BRIP1: variants seen among roughly 807,000 people sequenced by gnomAD.
The protein encoded by BRIP1 is BRCA1 interacting DNA helicase 1.
BRIP1 carries 88 observed loss-of-function variants against 119.7 expected under a neutral mutation model. The observed-to-expected ratio is 0.74, with a 90% CI of 0.62 to 0.88. The LOEUF (loss-of-function observed/expected upper bound fraction) is 0.88, where lower values mean the gene tolerates loss of function less well. BRIP1 is among the 40% of genes least tolerant of loss of function. BRIP1 has a pLI of 0.00. For missense variants in BRIP1, 1,259 were observed against 1,455.4 expected, an observed-to-expected ratio of 0.87 and a Z score of 2.20; for synonymous variants, 443 against 496.5, an observed-to-expected ratio of 0.89 and a Z score of 1.43.
Position 61,693,301 on chromosome 17 carries a change from G to A in BRIP1, c.2575+129C>T. 1 of 848,944 alleles carries A rather than the reference G, an allele frequency of 1.2e-6. No homozygotes were observed. The highest frequency in any genetic ancestry group is 1.9e-6 in the Non-Finnish European group (1 of 516,414). 52.6% of individuals were successfully genotyped at this position (848,944 alleles called of 1,614,324 possible). On this transcript the variant is annotated intron_variant, in intron 18 of 19. Coordinates refer to ENST00000259008, the MANE Select transcript of BRIP1 (RefSeq NM_032043.3). The surrounding 1 kb of genome is among the most constrained non-coding windows in gnomAD (Gnocchi z 4.2). ...TTCTAGATATCTGCTGTGAAATACTGTGCTTATAGTTAACAATATTGTACT... is the reference window on the plus strand; with the variant it reads ...TTCTAGATATCTGCTGTGAAATACTATGCTTATAGTTAACAATATTGTACT...
At position 61,738,973 on chromosome 17, in the gene BRIP1, T is replaced by C. The variant is rs982113284; in HGVS notation, c.2379+4040A>G. 5.1e-5 allele frequency: 8 copies of C among 156,246 alleles called. No individual in the cohort carries two copies. Among genetic ancestry groups the C allele is most frequent in the African/African-American group, 1.9e-4 (8 of 41,592 alleles). 9.7% of individuals were successfully genotyped at this position (156,246 alleles called of 1,614,324 possible). On this transcript the variant is annotated intron_variant, in intron 16 of 19. Coordinates refer to ENST00000259008, the MANE Select transcript of BRIP1 (RefSeq NM_032043.3). The surrounding 1 kb of genome is among the most constrained non-coding windows in gnomAD (Gnocchi z 4.2). The stretch of plus-strand genomic sequence containing the variant: ...ATTTAGTACAACCTAGTATTAGCCA[T>C]AAAGTTTTTCTTCTTTTCCAGGTCT...
rs758379735 is a variant in BRIP1, at chr17:61,724,454, A to T, written c.2380-8391T>A. Among the ~76,000 whole-genome samples, 1 of 152,174 alleles carries T rather than the reference A, an allele frequency of 6.6e-6. No homozygotes were observed. Among genetic ancestry groups the T allele is most frequent in the Non-Finnish European group, 1.5e-5 (1 of 68,014 alleles). ...AGAAATTAAGGTCACAATTATTAAC[A>T]TTAGACTTTTTCAACTTTCAGTCAA... On this transcript the variant is annotated intron_variant, in intron 16 of 19. Coordinates refer to ENST00000259008, the MANE Select transcript of BRIP1 (RefSeq NM_032043.3). The surrounding 1 kb of genome is among the most constrained non-coding windows in gnomAD (Gnocchi z 5.1).
chr17:61,765,381 A>T (rs9911657), intron 14 of BRIP1, among the ~76,000 whole-genome samples: 41 of 28,190 alleles, frequency 1.5e-3, no homozygotes, highest in African/African-American at 5.2e-3. Flanking sequence ...TGTATATATT[A>T]TATATATATA....
rs11651601 is a variant in BRIP1 at position 61,824,660 on chromosome 17, T to G, written c.628-15903A>C. 0.56 allele frequency among the ~76,000 whole-genome samples: 84,608 copies of G among 151,972 alleles called. 24,941 individuals carry two copies. Among genetic ancestry groups the G allele is most frequent in the Non-Finnish European group, 0.67 (45,315 of 67,948 alleles). On this transcript the variant is annotated intron_variant, in intron 6 of 19. Coordinates refer to ENST00000259008, the MANE Select transcript of BRIP1 (RefSeq NM_032043.3). This position sits in a 1 kb window ranked among gnomAD's most constrained non-coding sequence, Gnocchi z 4.3. Reference sequence around the variant, plus strand: ...AATATATGGAAAAATTAACTCTACATGGATCAAAACCTTAAATATAAAAGC... The same window carrying G: ...AATATATGGAAAAATTAACTCTACAGGGATCAAAACCTTAAATATAAAAGC...
At position 61,801,332 on chromosome 17, in the gene BRIP1, G is replaced by A. The variant is rs776939714; in HGVS notation, c.1061C>T (p.Thr354Ile). 8.1e-6 allele frequency: 13 copies of A among 1,613,968 alleles called. No homozygotes were observed. Among genetic ancestry groups the A allele is most frequent in the African/African-American group, 1.3e-5 (1 of 74,928 alleles). Residue 354 changes from threonine to isoleucine, a missense_variant, in exon 8 of 20, where the codon ACA becomes ATA. By Grantham distance (89) the Thr-to-Ile change is moderately conservative (BLOSUM62 -1). This residue lies in a region of BRIP1 where 501 missense variants were observed against 544.0 expected (regional missense o/e 0.92). Transcript: ENST00000259008. ...GKKLKACPYY[T>I]ARELIQDADI... ...AGCATCTTGTATTAGTTCTCGGGCT[G>A]TGTAATATGGACAGGCCTTTAGTTT...
Position 61,810,074 on chromosome 17 carries a change from A to T in BRIP1, c.628-1317T>A, listed in dbSNP as rs1433002504. On this transcript the variant is annotated intron_variant, in intron 6 of 19. Coordinates refer to ENST00000259008, the MANE Select transcript of BRIP1 (RefSeq NM_032043.3). This position sits in a 1 kb window ranked among gnomAD's most constrained non-coding sequence, Gnocchi z 4.7. ...AAAGGTTCACTGATGTGCCAAATAA[A>T]CAGTCAGTCAAAGCAGATAAAGTTA... 6.6e-6 allele frequency among the ~76,000 whole-genome samples: 1 copy of T among 152,234 alleles called. No individual in the cohort carries two copies. Among genetic ancestry groups the T allele is most frequent in the Non-Finnish European group, 1.5e-5 (1 of 68,044 alleles).
Position 61,720,260 on chromosome 17 carries a change from T to A in BRIP1, c.2380-4197A>T, listed in dbSNP as rs79497864. ...TTTCAAATAACTAGAAGGAGGAGAT[T>A]ACATGTTCCATACACAAAGAAATGA... is the stretch of plus-strand genomic sequence containing the variant. On this transcript the variant is annotated intron_variant, in intron 16 of 19. Transcript: ENST00000259008. This position sits in a 1 kb window ranked among gnomAD's most constrained non-coding sequence, Gnocchi z 4.3. Among the ~76,000 whole-genome samples, 2,871 of 152,330 alleles carry A rather than the reference T, an allele frequency of 0.019. 45 individuals are homozygous for A. Among genetic ancestry groups the A allele is most frequent in the Non-Finnish European group, 0.03 (2,034 of 68,034 alleles).
At chr17:61,782,828 T>C (rs780412973) in intron 11 of BRIP1, among the ~76,000 whole-genome samples, 4 of 152,228 alleles carry the variant, frequency 2.6e-5, no homozygotes, top group Non-Finnish European at 5.9e-5. Context: ...CCTATTAGGA[T>C]GGCTATTATA....
rs1469338650 is a variant in BRIP1, at chr17:61,841,634, A to G, written c.627+5467T>C. ...AGTACAGACATTACGGAAAACAGCA[A>G]TGGAGGCTTCTCAAAAACCTAAAAA... On this transcript the variant is annotated intron_variant, in intron 6 of 19. Coordinates refer to ENST00000259008, the MANE Select transcript of BRIP1 (RefSeq NM_032043.3). This position sits in a 1 kb window ranked among gnomAD's most constrained non-coding sequence, Gnocchi z 4.1. Among the ~76,000 whole-genome samples, 1 of 152,198 alleles carries G rather than the reference A, an allele frequency of 6.6e-6. No homozygotes were observed. The highest frequency in any genetic ancestry group is 1.5e-5 in the Non-Finnish European group (1 of 68,028).
rs762039913 is a variant in BRIP1, at chr17:61,716,034, G to A, written c.2409C>T (p.His803=). The A allele has an allele frequency of 1.9e-6, 3 of 1,606,120 alleles. No homozygotes were observed. Among genetic ancestry groups the A allele is most frequent in the Non-Finnish European group, 8.5e-7 (1 of 1,175,570 alleles). Residue 803 remains histidine, a synonymous_variant, in exon 17 of 20, where the codon CAC becomes CAT. Transcript: ENST00000259008. ...GTAGAAGACCTCTCAATTTTGAATG[G>A]TGGTCATTGTATTGTCGTTTTAGTT... ...QVELKRQYND[H]HSKLRGLLPG...
Position 61,843,633 on chromosome 17 carries a change from C to T in BRIP1, c.627+3468G>A, listed in dbSNP as rs1191785186. Among the ~76,000 whole-genome samples the T allele has an allele frequency of 6.6e-6, 1 of 152,084 alleles. No homozygotes were observed. Among genetic ancestry groups the T allele is most frequent in the East Asian group, 1.9e-4 (1 of 5,190 alleles). On this transcript the variant is annotated intron_variant, in intron 6 of 19. Transcript: ENST00000259008. The surrounding 1 kb of genome is among the most constrained non-coding windows in gnomAD (Gnocchi z 5.7). ...GAACCTCCTCTGCTCTCTCCTCTGT[C>T]CTCTCTTTCCATGTGACAAGTTTGC... is the stretch of plus-strand genomic sequence containing the variant.
chr17:61,820,745 T>A (rs1436897994), intron 6 of BRIP1, among the ~76,000 whole-genome samples: 1 of 150,030 alleles, frequency 6.7e-6, no homozygotes, highest in Admixed American at 6.6e-5. Context: ...AGGTCAGGAG[T>A]TCAAAATCAG....
intron 6 of BRIP1, among the ~76,000 whole-genome samples, chr17:61,821,108 C>T (rs977133074): frequency 7.9e-5 from 12 of 152,106 alleles, no homozygotes; most frequent in Non-Finnish European, 1.3e-4. Context: ...TAAATAAACA[C>T]GTGGCCTGTG....
rs1414927475 is a variant in BRIP1, at chr17:61,793,527, C to G, written c.1473+70G>C. 6.9e-7 allele frequency: 1 copy of G among 1,447,464 alleles called. No homozygotes were observed. The highest frequency in any genetic ancestry group is 2.0e-5 in the Admixed American group (1 of 51,170). The allele number at this position is 1,447,464 out of a possible 1,614,324, so 89.7% of individuals were successfully genotyped here. A position where few individuals can be genotyped will look rare whatever the true frequency, so the allele number is the denominator to read the frequency against. On this transcript the variant is annotated intron_variant, in intron 10 of 19. Transcript: ENST00000259008. The surrounding 1 kb of genome is among the most constrained non-coding windows in gnomAD (Gnocchi z 5.2). ...TTCTGGGTTACTCACTAGATTTAATCTGGATTTAGTCACGACTAAATCACT... is the reference window on the plus strand; with the variant it reads ...TTCTGGGTTACTCACTAGATTTAATGTGGATTTAGTCACGACTAAATCACT...
At position 61,744,909 on chromosome 17, in the gene BRIP1, TACC is replaced by T. The variant is rs989684285; in HGVS notation, c.2098-321_2098-319del. Among the ~76,000 whole-genome samples, 1 of 151,632 alleles carries T rather than the reference TACC, an allele frequency of 6.6e-6. No homozygotes were observed. On this transcript the variant is annotated intron_variant, in intron 14 of 19. Coordinates refer to ENST00000259008, the MANE Select transcript of BRIP1 (RefSeq NM_032043.3). The surrounding 1 kb of genome is among the most constrained non-coding windows in gnomAD (Gnocchi z 5.0). ...CTTCTACTATTATCTTGGCAATTTC[TACC>T]ACCACCACCACTACTACTACTACTA...
Position 61,693,628 on chromosome 17 carries a change from T to G in BRIP1, c.2493-116A>C. ...AATTTTATAGATTCCTTTAAACAATTTGTTATTATCAGAAAAGTTACAGAA... is the reference window on the plus strand; with the variant it reads ...AATTTTATAGATTCCTTTAAACAATGTGTTATTATCAGAAAAGTTACAGAA... On this transcript the variant is annotated intron_variant, in intron 17 of 19. Coordinates refer to ENST00000259008, the MANE Select transcript of BRIP1 (RefSeq NM_032043.3). The surrounding 1 kb of genome is among the most constrained non-coding windows in gnomAD (Gnocchi z 4.2). The G allele has an allele frequency of 2.4e-6, 2 of 838,410 alleles. No homozygotes were observed. Among genetic ancestry groups the G allele is most frequent in the Non-Finnish European group, 3.9e-6 (2 of 511,806 alleles). 51.9% of individuals were successfully genotyped at this position (838,410 alleles called of 1,614,324 possible).
chr17:61,765,425 T>A (rs12603852), intron 14 of BRIP1, among the ~76,000 whole-genome samples: 128 of 26,106 alleles, frequency 4.9e-3, no homozygotes, highest in Non-Finnish European at 5.9e-3. Context: ...ATATATATAT[T>A]TTTTTTTTTT....
At position 61,776,701 on chromosome 17, in the gene BRIP1, C is replaced by CAAT; in HGVS notation, c.1936-140_1936-139insATT. The CAAT allele has an allele frequency of 1.2e-6, 1 of 852,188 alleles. No homozygotes were observed. The highest frequency in any genetic ancestry group is 2.0e-5 in the Admixed American group (1 of 48,814). 52.8% of individuals were successfully genotyped at this position (852,188 alleles called of 1,614,324 possible). ...TAAATTGTCAGGGGGTTTTCTATTA[C>CAAT]CTTCAATTAACTGTATACAGATTTA... On this transcript the variant is annotated intron_variant, in intron 13 of 19. Coordinates refer to ENST00000259008, the MANE Select transcript of BRIP1 (RefSeq NM_032043.3). This position sits in a 1 kb window ranked among gnomAD's most constrained non-coding sequence, Gnocchi z 5.0.
In BRIP1 at chr17:61,805,027, C is replaced by T. The variant is rs530397634; in HGVS notation, c.918+3440G>A. Among the ~76,000 whole-genome samples, 2 of 148,496 alleles carry T rather than the reference C, an allele frequency of 1.3e-5. No individual in the cohort carries two copies. The highest frequency in any genetic ancestry group is 4.0e-4 in the East Asian group (2 of 5,048). ...AAAATTAAATTGTATTTGTATACGTCTGTATAATAAATTAAATTGTATATA... is the reference window on the plus strand; with the variant it reads ...AAAATTAAATTGTATTTGTATACGTTTGTATAATAAATTAAATTGTATATA... On this transcript the variant is annotated intron_variant, in intron 7 of 19. Transcript: ENST00000259008. The surrounding 1 kb of genome is among the most constrained non-coding windows in gnomAD (Gnocchi z 5.6).
Sources: gnomAD v4.1 joint callset for allele counts (sites outside exome capture counted in the v4.1 genomes callset) on GRCh38, gnomAD v4.1.1 for gene constraint, gnomAD v4.1.1 regional missense constraint, Gnocchi (gnomAD v3.1) non-coding constraint, MANE v1.5 for transcripts, NCBI Gene and HGNC (gene_info 2026-07-23, HGNC 2026-07-21) for gene names.